THSD7A: variants seen among roughly 807,000 people sequenced by gnomAD.
THSD7A encodes the protein thrombospondin type-1 domain-containing protein 7A.
THSD7A carries 96 observed loss-of-function variants against 231.3 expected under a neutral mutation model. That is an observed-to-expected ratio of 0.41 (90% CI 0.35 to 0.49). The LOEUF (loss-of-function observed/expected upper bound fraction) is 0.49, where lower values mean the gene tolerates loss of function less well. THSD7A is among the 20% of genes least tolerant of loss of function. The probability of loss-of-function intolerance (pLI) is 0.05; values close to 1 mark genes in which losing one functional copy is unlikely to be tolerated. For missense variants in THSD7A, 2,290 were observed against 2,070.2 expected (o/e 1.11, Z -2.06); for synonymous variants, 940 against 743.3 (o/e 1.26, Z -4.30).
intron 1 of THSD7A, among the ~76,000 whole-genome samples, chr7:11,823,123 T>A (rs970645842): frequency 2.0e-5 from 3 of 152,064 alleles, no homozygotes; most frequent in African/African-American, 7.2e-5. Flanking sequence ...TTGGGTAGAT[T>A]TTTGTATGTA....
chr7:11,789,539 T>C (rs145119464), intron 1 of THSD7A, among the ~76,000 whole-genome samples: 8 of 148,928 alleles, frequency 5.4e-5, no homozygotes, highest in African/African-American at 2.0e-4. Context: ...AGGTTGAATA[T>C]GTTTTTGCCC....
intron 4 of THSD7A, among the ~76,000 whole-genome samples, chr7:11,585,801 C>T (rs774506771): frequency 2.6e-5 from 4 of 152,040 alleles, no homozygotes; most frequent in Non-Finnish European, 4.4e-5. Flanking sequence ...ACAGGGACTC[C>T]GTAGACATGC....
At chr7:11,753,010 G>A (rs1010714918) in intron 1 of THSD7A, among the ~76,000 whole-genome samples, 4 of 151,998 alleles carry the variant, frequency 2.6e-5, no homozygotes, top group Non-Finnish European at 5.9e-5. Context: ...GTGTAAATCT[G>A]AATTTAATTA....
At chr7:11,483,450 T>A (rs1786513297) in intron 6 of THSD7A, among the ~76,000 whole-genome samples, 1 of 152,220 alleles carries the variant, frequency 6.6e-6, no homozygotes, top group African/African-American at 2.4e-5. Context: ...AATATTTTAT[T>A]ATTCATTCTT....
At position 11,456,229 on chromosome 7, in the gene THSD7A, T is replaced by C. The variant is rs530138816; in HGVS notation, c.2605+4433A>G. Among the ~76,000 whole-genome samples, 68 of 152,188 alleles carry C rather than the reference T, an allele frequency of 4.5e-4. No individual in the cohort carries two copies. The South Asian group carries it at 0.014, about 31-fold the overall frequency. On this transcript the variant is annotated intron_variant, in intron 11 of 27. Transcript: ENST00000423059. Reference sequence around the variant, plus strand: ...TCCAGCTTTTGAGTATAATTTATCATGTTCTAGACAAGGGAATTTTGAAGG... The same window carrying C: ...TCCAGCTTTTGAGTATAATTTATCACGTTCTAGACAAGGGAATTTTGAAGG...
At chr7:11,477,626 T>C (rs1759999749) in intron 7 of THSD7A, among the ~76,000 whole-genome samples, 1 of 152,206 alleles carries the variant, frequency 6.6e-6, no homozygotes, top group Non-Finnish European at 1.5e-5. Context: ...TTTGCAAATG[T>C]GGTCAGTGGG....
At chr7:11,601,640 A>G (rs991293557) in intron 2 of THSD7A, among the ~76,000 whole-genome samples, 1 of 152,180 alleles carries the variant, frequency 6.6e-6, no homozygotes, top group African/African-American at 2.4e-5. Context: ...GAGAATTTCA[A>G]CCAGACGAGC....
chr7:11,613,311 T>C (rs73676046), intron 2 of THSD7A, among the ~76,000 whole-genome samples: 1,719 of 152,306 alleles, frequency 0.011, 29 homozygotes, highest in African/African-American at 0.039. Context: ...GTGTTTTGAT[T>C]TGATCCACTT....
intron 1 of THSD7A, among the ~76,000 whole-genome samples, chr7:11,675,296 C>G (rs1051640018): frequency 3.3e-5 from 5 of 152,138 alleles, no homozygotes; most frequent in Non-Finnish European, 7.4e-5. Context: ...CCCTTGGATG[C>G]CTATACCACA....
chr7:11,426,589 G>T (rs1416720273), intron 15 of THSD7A, 77 bp downstream of exon 15: 2 of 1,399,442 alleles, frequency 1.4e-6, no homozygotes, highest in East Asian at 5.0e-5. Flanking sequence ...AGCAAGAAGA[G>T]AAATGTATTC....
chr7:11,606,075 A>C (rs1780723603), intron 2 of THSD7A, among the ~76,000 whole-genome samples: 1 of 152,256 alleles, frequency 6.6e-6, no homozygotes, highest in Non-Finnish European at 1.5e-5. Context: ...TCCATGAATG[A>C]AGGCAACTGT....
At chr7:11,691,038 T>C (rs1444424832) in intron 1 of THSD7A, among the ~76,000 whole-genome samples, 2 of 151,646 alleles carry the variant, frequency 1.3e-5, no homozygotes, top group African/African-American at 4.8e-5. Context: ...GTAAGGAACA[T>C]GATTTACATA....
chr7:11,394,615 A>T (rs1045559198), intron 23 of THSD7A, among the ~76,000 whole-genome samples: 1 of 152,194 alleles, frequency 6.6e-6, no homozygotes, highest in Admixed American at 6.5e-5. Flanking sequence ...ATCTTTGATC[A>T]CCCGCACACG....
At chr7:11,734,022 C>T (rs138984689) in intron 1 of THSD7A, among the ~76,000 whole-genome samples, 189 of 151,888 alleles carry the variant, frequency 1.2e-3, no homozygotes, top group Non-Finnish European at 2.2e-3. Flanking sequence ...TTTGTCTTCC[C>T]TTCTAACCTC....
In THSD7A at chr7:11,503,222, T is replaced by C. The variant is rs188632656; in HGVS notation, c.1823-21240A>G. Among the ~76,000 whole-genome samples, 204 of 152,312 alleles carry C rather than the reference T, an allele frequency of 1.3e-3. 7 individuals are homozygous for C. Among genetic ancestry groups the C allele is most frequent in the Admixed American group, 0.013 (202 of 15,300 alleles). On this transcript the variant is annotated intron_variant, in intron 6 of 27. Coordinates refer to ENST00000423059, the MANE Select transcript of THSD7A (RefSeq NM_015204.3). ...AACAAGCAATGGGGAAAAGACTTCC[T>C]GTTCAATAAATGGTGCTGCAATAAC...
intron 6 of THSD7A, among the ~76,000 whole-genome samples, chr7:11,495,572 C>T (rs1394769841): frequency 6.6e-6 from 1 of 152,056 alleles, no homozygotes; most frequent in Non-Finnish European, 1.5e-5. Flanking sequence ...TTTTCTATTG[C>T]AAAACTGTAT....
chr7:11,651,024 C>A (rs559690991), intron 1 of THSD7A, among the ~76,000 whole-genome samples: 1 of 151,942 alleles, frequency 6.6e-6, no homozygotes, highest in Admixed American at 6.6e-5. Context: ...TTAAGATAAG[C>A]AAACACTACC....
intron 1 of THSD7A, among the ~76,000 whole-genome samples, chr7:11,746,721 T>A (rs1283534409): frequency 1.3e-5 from 2 of 151,800 alleles, no homozygotes; most frequent in Admixed American, 6.6e-5. Context: ...AGAGGTAATA[T>A]TTGCCAGGAT....
chr7:11,754,445 C>A (rs1218455536), intron 1 of THSD7A, among the ~76,000 whole-genome samples: 1 of 152,006 alleles, frequency 6.6e-6, no homozygotes, highest in Non-Finnish European at 1.5e-5. Context: ...GAAAATACAT[C>A]CTTTTAAGCC....
Sources: gnomAD v4.1 joint callset for allele counts (sites outside exome capture counted in the v4.1 genomes callset) on GRCh38, gnomAD v4.1.1 for gene constraint, MANE v1.5 for transcripts, NCBI Gene and HGNC (gene_info 2026-07-23, HGNC 2026-07-21) for gene names.